Variants in ESRRG observed in about 807,000 individuals in gnomAD.
The protein encoded by ESRRG is estrogen related receptor gamma.
Under a neutral mutation model 44.0 loss-of-function variants are expected in ESRRG, and 13 were observed. The ratio of observed to expected loss-of-function variants is 0.30; its 90% CI spans 0.19 to 0.47. The LOEUF (loss-of-function observed/expected upper bound fraction) is 0.47. ESRRG is among the 20% of genes least tolerant of loss of function. The pLI is 1.00. For missense variants in ESRRG, 395 were observed against 580.6 expected, an observed-to-expected ratio of 0.68 and a Z score of 3.29; for synonymous variants, 215 against 214.6, an observed-to-expected ratio of 1.00 and a Z score of -0.02.
At chr1:217,108,371 T>A (rs6659123) in intron 1 of ESRRG, among the ~76,000 whole-genome samples, 24,478 of 152,206 alleles carry the variant, frequency 0.16, 2,206 homozygotes, top group Middle Eastern at 0.24. Flanking sequence ...TCTGCTTTGC[T>A]GCATACTTGT....
chr1:216,884,102 C>T (rs1476484405), intron 2 of ESRRG, among the ~76,000 whole-genome samples: 1 of 152,088 alleles, frequency 6.6e-6, no homozygotes, highest in Non-Finnish European at 1.5e-5. Context: ...TGCTTGGCTC[C>T]CCTTTTGGCT....
rs76223562 is a variant in ESRRG at position 216,558,049 on chromosome 1, T to C, written c.862+6170A>G. Among the ~76,000 whole-genome samples the C allele has an allele frequency of 1.6e-3, 246 of 152,212 alleles. 13 individuals are homozygous for C. The East Asian group carries it at 0.044, about 27-fold the overall frequency. ...TATTTAGTATGATGACAGAATTGTA[T>C]ATTAGGTCAAAAACAATGGCATGAG... On this transcript the variant is annotated intron_variant, in intron 5 of 6. Coordinates refer to ENST00000408911, the MANE Select transcript of ESRRG (RefSeq NM_001438.4).
At chr1:216,771,614 A>T (rs1332946316) in intron 2 of ESRRG, among the ~76,000 whole-genome samples, 3 of 152,070 alleles carry the variant, frequency 2.0e-5, no homozygotes, top group African/African-American at 7.2e-5. Flanking sequence ...TTATTTGATG[A>T]TGCTCATATA....
chr1:216,713,140 C>T (rs1257272090), intron 1 of ESRRG, among the ~76,000 whole-genome samples: 2 of 152,076 alleles, frequency 1.3e-5, no homozygotes, highest in Admixed American at 1.3e-4. Context: ...TTTGCTCTTG[C>T]ACTATCACTT....
intron 2 of ESRRG, among the ~76,000 whole-genome samples, chr1:216,934,549 C>T (rs1249669687): frequency 3.3e-5 from 5 of 152,112 alleles, no homozygotes; most frequent in Non-Finnish European, 5.9e-5. Context: ...AAAAGCATGT[C>T]TTACATGGCG....
intron 1 of ESRRG, among the ~76,000 whole-genome samples, chr1:217,137,359 GT>G (rs1376859757): frequency 6.6e-6 from 1 of 152,242 alleles, no homozygotes; most frequent in East Asian, 1.9e-4. Context: ...TTTGGAAAGA[GT>G]GGAAAAATGC....
intron 2 of ESRRG, among the ~76,000 whole-genome samples, chr1:216,824,084 C>G (rs992540786): frequency 2.0e-5 from 3 of 152,120 alleles, no homozygotes; most frequent in African/African-American, 7.2e-5. Context: ...CTTTCTTTCC[C>G]CTACATTTCC....
At chr1:216,909,939 C>G (rs909443546) in intron 2 of ESRRG, among the ~76,000 whole-genome samples, 1 of 152,052 alleles carries the variant, frequency 6.6e-6, no homozygotes, top group African/African-American at 2.4e-5. Flanking sequence ...GAATGTGATT[C>G]AGAACAAAGA....
At chr1:217,008,264 A>G (rs780829818) in intron 1 of ESRRG, among the ~76,000 whole-genome samples, 1 of 152,238 alleles carries the variant, frequency 6.6e-6, no homozygotes, top group Non-Finnish European at 1.5e-5. Flanking sequence ...AGGATTGTTC[A>G]AGGTTACAAA....
intron 2 of ESRRG, among the ~76,000 whole-genome samples, chr1:216,854,365 AAAAAAAAAAAAAAGCAAAG>A (rs2095889325): frequency 6.7e-6 from 1 of 149,858 alleles, no homozygotes; most frequent in African/African-American, 2.4e-5. Context: ...AAAAAAAAAA[AAAAAAAAAAAAAAGCAAAG>A]AAAAAAAAGA....
At chr1:216,590,386 C>G (rs917353799) in intron 3 of ESRRG, among the ~76,000 whole-genome samples, 3 of 152,226 alleles carry the variant, frequency 2.0e-5, no homozygotes, top group South Asian at 2.1e-4. Flanking sequence ...GTGCTTTACA[C>G]TGAACATTAT....
At position 217,026,910 on chromosome 1, in the gene ESRRG, C is replaced by CAGAG. The variant is rs1414926581; in HGVS notation, c.-106+62596_-106+62597insCTCT. 3.6e-3 allele frequency among the ~76,000 whole-genome samples: 351 copies of CAGAG among 97,204 alleles called. 1 individual carries two copies. The highest frequency in any genetic ancestry group is 0.013 in the African/African-American group (327 of 25,122). The allele number at this position is 97,204 out of a possible 152,430, so 63.8% of individuals were successfully genotyped here. A position where few individuals can be genotyped will look rare whatever the true frequency, so the allele number is the denominator to read the frequency against. On this transcript the variant is annotated intron_variant, in intron 1 of 7. Coordinates refer to the ESRRG transcript ENST00000359162. Reference sequence around the variant, plus strand: ...ACATACACACACACACACACACACACACAGAGAGAGAGAGAGAGAGAGAGA... The same window carrying CAGAG: ...ACATACACACACACACACACACACACAGAGACAGAGAGAGAGAGAGAGAGAGAGA...
chr1:216,808,829 G>A (rs2094879959), intron 2 of ESRRG, among the ~76,000 whole-genome samples: 1 of 152,100 alleles, frequency 6.6e-6, no homozygotes, highest in Non-Finnish European at 1.5e-5. Flanking sequence ...GTCCCAATTT[G>A]ACCATTCCTC....
At chr1:216,562,672 A>G (rs1386917102) in intron 5 of ESRRG, among the ~76,000 whole-genome samples, 2 of 152,118 alleles carry the variant, frequency 1.3e-5, no homozygotes, top group African/African-American at 4.8e-5. Context: ...CCAAATATCA[A>G]TAATGCCAAG....
chr1:216,833,684 G>A (rs1466078201), intron 2 of ESRRG, among the ~76,000 whole-genome samples: 5 of 152,138 alleles, frequency 3.3e-5, no homozygotes, highest in African/African-American at 1.2e-4. Context: ...AATCAAGGTG[G>A]TTAATCCAAT....
intron 5 of ESRRG, among the ~76,000 whole-genome samples, chr1:216,563,625 T>C (rs375248390): frequency 7.2e-5 from 11 of 152,284 alleles, no homozygotes; most frequent in African/African-American, 2.2e-4. Context: ...TTTGTTCATA[T>C]TACAGGATGG....
chr1:216,971,146 C>A (rs1348609966), intron 1 of ESRRG, among the ~76,000 whole-genome samples: 1 of 151,972 alleles, frequency 6.6e-6, no homozygotes, highest in African/African-American at 2.4e-5. Flanking sequence ...CCACTGACTG[C>A]AGAAAATACT....
intron 1 of ESRRG, among the ~76,000 whole-genome samples, chr1:217,041,412 T>C (rs1356421850): frequency 1.3e-5 from 2 of 152,190 alleles, no homozygotes; most frequent in African/African-American, 2.4e-5. Context: ...AGAATGTCTA[T>C]AAACACACTC....
chr1:217,029,635 C>T lies in ESRRG; in HGVS notation c.-106+59872G>A, dbSNP rs142917779. On this transcript the variant is annotated intron_variant, in intron 1 of 7. Transcript: ENST00000359162. The stretch of plus-strand genomic sequence containing the variant: ...CTAGACCACACTTGGCTTTAACTAC[C>T]GCCAGACCAATTCATTAAGAAAAAG... Among the ~76,000 whole-genome samples the T allele has an allele frequency of 2.5e-3, 384 of 152,278 alleles. 1 individual carries two copies. Among genetic ancestry groups the T allele is most frequent in the African/African-American group, 8.7e-3 (361 of 41,564 alleles).
Sources: allele counts gnomAD v4.1 joint callset (sites outside exome capture counted in the v4.1 genomes callset), GRCh38; gene constraint gnomAD v4.1.1; transcripts MANE v1.5; gene names NCBI Gene and HGNC (gene_info 2026-07-23, HGNC 2026-07-21).